PRTG: variants seen among roughly 807,000 people sequenced by gnomAD.
PRTG encodes the protein protogenin, also known as immunoglobulin superfamily, DCC subclass, member 5.
Under a neutral mutation model 122.5 loss-of-function variants are expected in PRTG, and 67 were observed. The ratio of observed to expected loss-of-function variants is 0.55; its 90% confidence interval spans 0.45 to 0.67. The LOEUF is 0.67. Ranked by LOEUF, PRTG falls within the 30% of genes least tolerant of loss-of-function variation. The pLI, the probability that PRTG is intolerant of heterozygous loss-of-function variation, is 0.00. For synonymous variants in PRTG, 554 were observed against 501.1 expected (o/e 1.11, Z -1.41); for missense variants, 1,435 against 1,415.4 (o/e 1.01, Z -0.22).
Position 55,656,942 on chromosome 15 carries a change from C to T in PRTG, c.2041+15503G>A, listed in dbSNP as rs191356680. 2.8e-3 allele frequency among the ~76,000 whole-genome samples: 432 copies of T among 152,320 alleles called. 1 individual carries two copies. Among genetic ancestry groups the T allele is most frequent in the African/African-American group, 9.8e-3 (409 of 41,580 alleles). Reference sequence around the variant, plus strand: ...AAAAGGAGAGATACCAGCAAGCTGTCAGACTTCTAGTAAGATTTCTAGAAC... The same window carrying T: ...AAAAGGAGAGATACCAGCAAGCTGTTAGACTTCTAGTAAGATTTCTAGAAC... On this transcript the variant is annotated intron_variant, in intron 11 of 19. Transcript: ENST00000389286.
intron 2 of PRTG, among the ~76,000 whole-genome samples, chr15:55,717,158 C>T (rs1307620851): frequency 1.3e-5 from 2 of 152,148 alleles, no homozygotes; most frequent in African/African-American, 4.8e-5. Context: ...AAAACATGTA[C>T]ATATTTAACA....
intron 11 of PRTG, among the ~76,000 whole-genome samples, chr15:55,663,422 C>A (rs1208802902): frequency 6.6e-6 from 1 of 152,182 alleles, no homozygotes; most frequent in Non-Finnish European, 1.5e-5. Context: ...ACCACCACAA[C>A]CAGAAAAAGA....
chr15:55,741,380 C>T (rs1245671888), intron 1 of PRTG, among the ~76,000 whole-genome samples: 1 of 152,190 alleles, frequency 6.6e-6, no homozygotes, highest in Admixed American at 6.5e-5. Flanking sequence ...TTTCACTTTT[C>T]TAGAACTACC....
At chr15:55,738,424 A>C in intron 2 of PRTG, 1 of 695,380 alleles carries the variant, frequency 1.4e-6, no homozygotes, top group Non-Finnish European at 2.6e-6. Context: ...GAGGTCCTGG[A>C]AACAATGTGT....
chr15:55,706,658 T>C (rs992203150), intron 2 of PRTG, among the ~76,000 whole-genome samples: 1 of 150,930 alleles, frequency 6.6e-6, no homozygotes, highest in African/African-American at 2.5e-5. Flanking sequence ...CCTAGCTACT[T>C]AGGAAGTTGA....
At position 55,675,655 on chromosome 15, in the gene PRTG, G is replaced by A; in HGVS notation, c.1410C>T (p.Val470=). ...TATAATGAGTTGTGTCATTTCCGAT[G>A]ACTACTTGATACTCTTCATTATTTA... ...EGLNNEEYQV[V]IGNDTTHYII... Residue 470 remains valine, a synonymous_variant, in exon 9 of 20, where the codon GTC becomes GTT. Transcript: ENST00000389286. 1 of 1,584,140 alleles carries A rather than the reference G, an allele frequency of 6.3e-7. No individual in the cohort carries two copies. The highest frequency in any genetic ancestry group is 1.1e-5 in the South Asian group (1 of 90,258).
chr15:55,690,493 T>C (rs1378081953), intron 2 of PRTG, among the ~76,000 whole-genome samples: 1 of 152,188 alleles, frequency 6.6e-6, no homozygotes, highest in Non-Finnish European at 1.5e-5. Flanking sequence ...AAGCTGAGCA[T>C]TGCAAAAGTA....
intron 17 of PRTG, among the ~76,000 whole-genome samples, chr15:55,624,790 C>T (rs759845858): frequency 1.8e-4 from 27 of 152,266 alleles, no homozygotes; most frequent in Non-Finnish European, 2.9e-4. Context: ...CAATTTTTAA[C>T]TTCTATTTTC....
intron 2 of PRTG, among the ~76,000 whole-genome samples, chr15:55,731,581 G>A (rs1239568258): frequency 6.6e-6 from 1 of 151,958 alleles, no homozygotes; most frequent in Non-Finnish European, 1.5e-5. Flanking sequence ...ATGTCGGTCA[G>A]GCTGGTCTTG....
intron 2 of PRTG, among the ~76,000 whole-genome samples, chr15:55,692,672 T>A (rs566180371): frequency 1.7e-4 from 26 of 152,102 alleles, no homozygotes; most frequent in South Asian, 4.1e-4. Flanking sequence ...GTTTTTTTTT[T>A]AATTTTTGAT....
At chr15:55,722,396 T>C (rs564619010) in intron 2 of PRTG, among the ~76,000 whole-genome samples, 3 of 136,556 alleles carry the variant, frequency 2.2e-5, no homozygotes, top group Non-Finnish European at 3.5e-5. Flanking sequence ...TAAATACTTG[T>C]TGGGGAAATG....
At position 55,740,474 on chromosome 15, in the gene PRTG, C is replaced by T. The variant is rs748432132; in HGVS notation, c.305G>A (p.Arg102Gln). 6.2e-7 allele frequency: 1 copy of T among 1,614,068 alleles called. No individual in the cohort carries two copies. Among genetic ancestry groups the T allele is most frequent in the Admixed American group, 1.7e-5 (1 of 60,010 alleles). ...AAATCCTTCATCGGACTGCTCTCCT[C>T]GCCTGCCTTCCACCTCACTGATGTA... ...SLYISEVEGR[R>Q]GEQSDEGFYQ... is the part of the protein sequence containing the mutation. Residue 102 changes from arginine (R) to glutamine (Q), a missense_variant, in exon 2 of 20, where the codon CGA becomes CAA. Physicochemically the swap from Arg to Gln is conservative, Grantham distance 43. Coordinates refer to ENST00000389286, the MANE Select transcript of PRTG (RefSeq NM_173814.6).
At chr15:55,664,910 A>C (rs1009451238) in intron 11 of PRTG, among the ~76,000 whole-genome samples, 4 of 151,914 alleles carry the variant, frequency 2.6e-5, no homozygotes, top group Non-Finnish European at 4.4e-5. Flanking sequence ...TCTAACTGAC[A>C]TTATCTCCTA....
Position 55,641,117 on chromosome 15 carries a change from G to GC in PRTG, c.2132dup (p.Cys711TrpfsTer6). The GC allele has an allele frequency of 6.2e-7, 1 of 1,609,112 alleles. No individual in the cohort carries two copies. Among genetic ancestry groups the GC allele is most frequent in the Non-Finnish European group, 8.5e-7 (1 of 1,175,536 alleles). The stretch of plus-strand genomic sequence containing the variant: ...ACTGCCATGGCTTTCACTTACACAC[G>GC]CATCCTGGAGTGCTGACAGTCTGAT... On this transcript the variant is annotated frameshift_variant, in exon 12 of 20. Transcript: ENST00000389286. LOFTEE classifies it high-confidence loss of function.
Position 55,659,215 on chromosome 15 carries a change from T to C in PRTG, c.2041+13230A>G, listed in dbSNP as rs375371281. ...CATCTCAAAATGGAATAGGAAAATA[T>C]GTACAGTTTCAATAAACTATGTCAG... On this transcript the variant is annotated intron_variant, in intron 11 of 19. Coordinates refer to ENST00000389286, the MANE Select transcript of PRTG (RefSeq NM_173814.6). 7.9e-5 allele frequency among the ~76,000 whole-genome samples: 12 copies of C among 152,366 alleles called. No individual in the cohort carries two copies. The South Asian group carries it at 2.3e-3, about 29-fold the overall frequency.
chr15:55,663,944 C>T (rs115830288), intron 11 of PRTG, among the ~76,000 whole-genome samples: 3,116 of 152,264 alleles, frequency 0.02, 125 homozygotes, highest in African/African-American at 0.072. Flanking sequence ...GATATTCATC[C>T]ATGAATTGTT....
rs1051373250 is a variant in PRTG at position 55,638,706 on chromosome 15, G to A, written c.2325-30C>T. On this transcript the variant is annotated intron_variant, in intron 13 of 19. Transcript: ENST00000389286. Reference sequence around the variant, plus strand: ...AATAACGAGTGATGAAGTTGTTAATGCTGGTAGTATAATATTGTTTGTAAA... The same window carrying A: ...AATAACGAGTGATGAAGTTGTTAATACTGGTAGTATAATATTGTTTGTAAA... The A allele has an allele frequency of 3.3e-5, 52 of 1,598,470 alleles. 1 individual carries two copies. The Admixed American group carries it at 6.3e-4, about 19-fold the overall frequency.
In PRTG at chr15:55,677,781, T is replaced by C; in HGVS notation, c.1381+16A>G. ...GCAAGGAGTACTTAAAAATAAGCAC[T>C]CCTAAAATCGCTTACCTTCTGCTTT... On this transcript the variant is annotated intron_variant, in intron 8 of 19. Coordinates refer to ENST00000389286, the MANE Select transcript of PRTG (RefSeq NM_173814.6). 6.2e-7 allele frequency: 1 copy of C among 1,611,410 alleles called. No homozygotes were observed. Among genetic ancestry groups the C allele is most frequent in the East Asian group, 2.2e-5 (1 of 44,840 alleles).
chr15:55,674,494 GGTT>G (rs1331397170), intron 9 of PRTG, among the ~76,000 whole-genome samples: 1 of 152,086 alleles, frequency 6.6e-6, no homozygotes, highest in Non-Finnish European at 1.5e-5. Context: ...GCATAACAGA[GGTT>G]GTTAATAGCA....
Sources: allele counts gnomAD v4.1 joint callset (sites outside exome capture counted in the v4.1 genomes callset), GRCh38; gene constraint gnomAD v4.1.1; transcripts MANE v1.5; gene names NCBI Gene and HGNC (gene_info 2026-07-23, HGNC 2026-07-21).